LYST: variants seen among roughly 807,000 people sequenced by gnomAD.
LYST encodes lysosomal-trafficking regulator.
In LYST, 192 loss-of-function variants were observed where a neutral mutation model predicts 413.6. That is an observed-to-expected ratio of 0.46 (90% CI 0.41 to 0.52). The LOEUF is 0.52. LYST is among the 20% of genes least tolerant of loss of function. The pLI, the probability that LYST is intolerant of heterozygous loss-of-function variation, is 0.00. For synonymous variants in LYST, 1,525 were observed against 1,567.3 expected, an observed-to-expected ratio of 0.97 and a Z score of 0.64; for missense variants, 3,815 against 4,499.9, an observed-to-expected ratio of 0.85 and a Z score of 4.35.
intron 45 of LYST, among the ~76,000 whole-genome samples, chr1:235,698,996 CTTTTATATGAG>C: frequency 6.6e-6 from 1 of 152,132 alleles, no homozygotes; most frequent in Non-Finnish European, 1.5e-5. Flanking sequence ...AAGGAACTTC[CTTTTATATGAG>C]TTGCAGAGTT....
intron 38 of LYST, 45 bp from the exon 39 acceptor site, chr1:235,724,225 T>C: frequency 6.7e-7 from 1 of 1,486,508 alleles, no homozygotes; most frequent in Non-Finnish European, 9.3e-7. Context: ...ACCGGAAATA[T>C]AAATAATTAC....
chr1:235,677,463 G>T lies in LYST; in HGVS notation c.10940+17C>A, dbSNP rs748409576. On this transcript the variant is annotated intron_variant, in intron 49 of 52. Coordinates refer to ENST00000389793, the MANE Select transcript of LYST (RefSeq NM_000081.4). Reference sequence around the variant, plus strand: ...TATTAAAAATGCTATGTTTGATTTGGAGACCTTCTTCTGTACCTGTTTAAA... The same window carrying T: ...TATTAAAAATGCTATGTTTGATTTGTAGACCTTCTTCTGTACCTGTTTAAA... 1 of 1,612,788 alleles carries T rather than the reference G, an allele frequency of 6.2e-7. No individual in the cohort carries two copies. Among genetic ancestry groups the T allele is most frequent in the East Asian group, 2.2e-5 (1 of 44,754 alleles).
intron 31 of LYST, chr1:235,738,447 G>A: frequency 6.2e-7 from 1 of 1,612,864 alleles, no homozygotes; most frequent in Non-Finnish European, 8.5e-7. Context: ...TGGCTTGGAA[G>A]ATAATGGCTT....
rs771462669 is a variant in LYST at position 235,809,855 on chromosome 1, A to G, written c.963T>C (p.Ala321=). Reference sequence around the variant, plus strand: ...TTCGAAAGAGCATCCTTTGAATCAAAGCCACCGGTTCTTCGGTCCAACCTG... The same window carrying G: ...TTCGAAAGAGCATCCTTTGAATCAAGGCCACCGGTTCTTCGGTCCAACCTG... The part of the protein sequence containing the change: ...VSAGWTEEPV[A]LIQRMLFRTV... Residue 321 remains alanine (A), a synonymous_variant, in exon 5 of 53, where the codon GCT becomes GCC. Coordinates refer to ENST00000389793, the MANE Select transcript of LYST (RefSeq NM_000081.4). The surrounding 1 kb of genome is among the most constrained non-coding windows in gnomAD (Gnocchi z 4.0). 7 of 1,613,980 alleles carry G rather than the reference A, an allele frequency of 4.3e-6. No individual in the cohort carries two copies. The highest frequency in any genetic ancestry group is 5.9e-6 in the Non-Finnish European group (7 of 1,179,964).
In LYST at chr1:235,813,079, G is replaced by A. The variant is rs1673634704; in HGVS notation, c.193-18C>T. The A allele has an allele frequency of 7.1e-7, 1 of 1,411,910 alleles. No homozygotes were observed. The allele number at this position is 1,411,910 out of a possible 1,614,324, so 87.5% of individuals were successfully genotyped here. On this transcript the variant is annotated intron_variant, in intron 3 of 52. Transcript: ENST00000389793. ...GTCAATGCCTATGTCAGTAACAAAA[G>A]AATCCTTCATGTTCTAAGGCGATAA...
chr1:235,717,376 G>A (rs753728456), intron 40 of LYST, among the ~76,000 whole-genome samples: 10 of 152,194 alleles, frequency 6.6e-5, no homozygotes, highest in Non-Finnish European at 8.8e-5. Flanking sequence ...GTATGCATGC[G>A]TACAAATCTG....
chr1:235,801,516 T>A (rs1248009540), intron 8 of LYST, among the ~76,000 whole-genome samples: 2 of 152,212 alleles, frequency 1.3e-5, no homozygotes, highest in East Asian at 3.8e-4. Flanking sequence ...ATGATCAATT[T>A]TGCCTTCTTC....
At chr1:235,878,098 T>C (rs754656138) in intron 1 of LYST, among the ~76,000 whole-genome samples, 41 of 152,328 alleles carry the variant, frequency 2.7e-4, no homozygotes, top group Non-Finnish European at 4.4e-4. Context: ...CTTAATAATG[T>C]AATCTTCTGG....
intron 19 of LYST, among the ~76,000 whole-genome samples, chr1:235,772,518 T>C (rs571382849): frequency 1.5e-4 from 23 of 152,222 alleles, no homozygotes; most frequent in African/African-American, 4.3e-4. Flanking sequence ...ACTATTAAGA[T>C]TGCTTAAAAC....
chr1:235,732,617 C>T (rs956256079), intron 34 of LYST, among the ~76,000 whole-genome samples: 9 of 152,114 alleles, frequency 5.9e-5, no homozygotes, highest in Non-Finnish European at 8.8e-5. Flanking sequence ...TAATATCCTG[C>T]GGTGAATATT....
At chr1:235,860,824 C>T (rs2078219001) in intron 1 of LYST, among the ~76,000 whole-genome samples, 2 of 152,016 alleles carry the variant, frequency 1.3e-5, no homozygotes. Flanking sequence ...TCCTAGTATG[C>T]CACTGTTCTC....
In LYST at chr1:235,734,463, C is replaced by T; in HGVS notation, c.8535+20G>A. 1.2e-6 allele frequency: 2 copies of T among 1,601,902 alleles called. No homozygotes were observed. Among genetic ancestry groups the T allele is most frequent in the Non-Finnish European group, 1.7e-6 (2 of 1,169,030 alleles). The stretch of plus-strand genomic sequence containing the variant: ...TATGATGGAATCTCCTAAGAAAGTA[C>T]TATGGTTTCATTGACTCACCTCTTT... On this transcript the variant is annotated intron_variant, in intron 32 of 52. Transcript: ENST00000389793.
intron 1 of LYST, among the ~76,000 whole-genome samples, 167 bp from the exon 2 acceptor site, chr1:235,833,834 G>C (rs975236165): frequency 1.3e-5 from 2 of 152,164 alleles, no homozygotes; most frequent in African/African-American, 4.8e-5. Context: ...AATTCCTCTT[G>C]AGAGGGAATC....
Position 235,777,279 on chromosome 1 carries a change from G to A in LYST, c.5244C>T (p.Tyr1748=), listed in dbSNP as rs776206658. The part of the protein sequence containing the change: ...IESLSVVYTT[Y]CPAQYTIYEP... ...CATAGATGGTATACTGAGCAGGACA[G>A]TAAGTTGTATAAACAACTGAAAGAC... Residue 1748 remains tyrosine (Y), a synonymous_variant, in exon 17 of 53, where the codon TAC becomes TAT. Coordinates refer to ENST00000389793, the MANE Select transcript of LYST (RefSeq NM_000081.4). The A allele has an allele frequency of 6.2e-7, 1 of 1,612,262 alleles. No individual in the cohort carries two copies. The highest frequency in any genetic ancestry group is 1.1e-5 in the South Asian group (1 of 91,038).
intron 1 of LYST, among the ~76,000 whole-genome samples, chr1:235,849,921 G>A (rs374668321): frequency 1.3e-5 from 2 of 151,886 alleles, no homozygotes; most frequent in Non-Finnish European, 1.5e-5. Flanking sequence ...TGGATGGGTA[G>A]AATCAATATT....
intron 28 of LYST, among the ~76,000 whole-genome samples, chr1:235,749,659 C>T (rs1319721578): frequency 6.6e-6 from 1 of 152,024 alleles, no homozygotes; most frequent in East Asian, 1.9e-4. Context: ...GCAGCAATCA[C>T]ATTTACTTAG....
rs1238562877 is a variant in LYST, at chr1:235,677,536, G to GT, written c.10883dup (p.Tyr3628Ter). The GT allele has an allele frequency of 3.1e-6, 5 of 1,613,030 alleles. No individual in the cohort carries two copies. The highest frequency in any genetic ancestry group is 4.2e-6 in the Non-Finnish European group (5 of 1,179,280). ...EITSLFVCKP[Y>*]SILISVSRDG... ...CTCTGCTCACACTTATCAGTATACTGTATGGTTTGCAAACAAATAAGCTGG... is the reference window on the plus strand; with the variant it reads ...CTCTGCTCACACTTATCAGTATACTGTTATGGTTTGCAAACAAATAAGCTGG... Residue 3628 changes from tyrosine to a stop codon, truncating the protein, a stop_gained and frameshift_variant, in exon 49 of 53, where the codon TAC becomes TAAC. Transcript: ENST00000389793. LOFTEE classifies it high-confidence loss of function.
intron 19 of LYST, among the ~76,000 whole-genome samples, chr1:235,771,955 G>A (rs1387722483): frequency 6.8e-6 from 1 of 147,918 alleles, no homozygotes; most frequent in Non-Finnish European, 1.5e-5. Context: ...AGGCATGGGG[G>A]GCTCACGCCT....
At chr1:235,757,176 TAA>T in intron 24 of LYST, 103 bp downstream of exon 24, 2 of 716,958 alleles carry the variant, frequency 2.8e-6, no homozygotes, top group Non-Finnish European at 4.6e-6. Context: ...TTCTAAAATA[TAA>T]AAGAGAGATT....
Sources: gnomAD v4.1 joint callset for allele counts (sites outside exome capture counted in the v4.1 genomes callset) on GRCh38, gnomAD v4.1.1 for gene constraint, Gnocchi (gnomAD v3.1) non-coding constraint, MANE v1.5 for transcripts, NCBI Gene and HGNC (gene_info 2026-07-23, HGNC 2026-07-21) for gene names.